The following DMD variants were observed in gnomAD, a reference collection of about 807,000 sequenced individuals.
DMD encodes dystrophin, also known as mutant dystrophin.
A neutral mutation model predicts 330.1 loss-of-function variants in DMD; 63 were observed. The ratio of observed to expected loss-of-function variants is 0.19; its 90% CI spans 0.16 to 0.24. DMD has a LOEUF of 0.24. Among genes scored for constraint, DMD ranks in the 10% least tolerant of loss-of-function variants. The probability of loss-of-function intolerance (pLI) is 1.00; values close to 1 mark genes in which losing one functional copy is unlikely to be tolerated. For missense variants in DMD, 3,344 were observed against 2,684.1 expected (o/e 1.25, Z -5.43); for synonymous variants, 1,223 against 959.8 (o/e 1.27, Z -5.07).
chrX:32,804,430 C>T (rs1407828923), intron 7 of DMD, among the ~76,000 whole-genome samples: 2 of 112,619 alleles, frequency 1.8e-5, no homozygotes, highest in Non-Finnish European at 3.8e-5. Context: ...CTAGATTCTT[C>T]CTCTCTGGGC....
chrX:32,280,500 G>C (rs1185467754), intron 43 of DMD, among the ~76,000 whole-genome samples: 1 of 111,117 alleles, frequency 9.0e-6, no homozygotes, highest in Non-Finnish European at 1.9e-5. Context: ...GTGGAATGAA[G>C]ATCCAGTCTT....
chrX:33,221,040 T>C (rs2052164564), intron 1 of DMD, among the ~76,000 whole-genome samples: 1 of 111,405 alleles, frequency 9.0e-6, no homozygotes, highest in Non-Finnish European at 1.9e-5. Flanking sequence ...TGTTTGAGAG[T>C]AGCAAACCAA....
intron 62 of DMD, among the ~76,000 whole-genome samples, chrX:31,283,270 G>A: frequency 9.0e-6 from 1 of 111,138 alleles, no homozygotes; most frequent in Non-Finnish European, 1.9e-5. Flanking sequence ...GAATGTGAAT[G>A]GTTATGTTTG....
chrX:31,373,436 G>C (rs111563441), intron 60 of DMD, among the ~76,000 whole-genome samples: 1 of 89,349 alleles, frequency 1.1e-5, no homozygotes, highest in South Asian at 6.6e-4. Context: ...AAGGCTACAG[G>C]AAGCAAAACA....
At chrX:33,212,267 T>A (rs398123826), upstream of DMD, among the ~76,000 whole-genome samples, 1 of 112,422 alleles carries the variant, frequency 8.9e-6, no homozygotes, top group African/African-American at 3.2e-5. Context: ...TGGTGCCAAT[T>A]CTTAAAACAC....
intron 13 of DMD, among the ~76,000 whole-genome samples, chrX:32,576,342 T>G (rs1482797342): frequency 9.0e-6 from 1 of 111,449 alleles, no homozygotes; most frequent in African/African-American, 3.3e-5. Flanking sequence ...TTGGGAACCT[T>G]TTCACATAAA....
At chrX:32,305,444 G>A (rs929228074) in intron 42 of DMD, among the ~76,000 whole-genome samples, 2 of 111,025 alleles carry the variant, frequency 1.8e-5, no homozygotes, top group Non-Finnish European at 1.9e-5. Context: ...GCCCCAAGTC[G>A]GCCGAGAATG....
intron 1 of DMD, among the ~76,000 whole-genome samples, chrX:33,338,209 C>T (rs769010748): frequency 3.6e-5 from 4 of 111,003 alleles, no homozygotes; most frequent in Admixed American, 1.9e-4. Flanking sequence ...CTGACAGATC[C>T]CCATGACAGC....
chrX:32,205,935 T>A (rs2097066740), intron 44 of DMD: 1 of 384,130 alleles, frequency 2.6e-6, no homozygotes, highest in Admixed American at 3.0e-5. Flanking sequence ...GCCCCAAAAC[T>A]ATCTTTTTGG....
intron 60 of DMD, among the ~76,000 whole-genome samples, chrX:31,370,243 CCT>C (rs1361456945): frequency 4.5e-5 from 5 of 111,276 alleles, no homozygotes; most frequent in African/African-American, 1.6e-4. Flanking sequence ...TTTTTCATCC[CCT>C]GTTAAGAAGA....
intron 61 of DMD, among the ~76,000 whole-genome samples, chrX:31,340,546 T>C (rs188905548): frequency 1.5e-4 from 17 of 112,619 alleles, no homozygotes; most frequent in Admixed American, 1.5e-3. Context: ...TTATTTTATT[T>C]TGTAATATAG....
chrX:31,696,795 G>A (rs181613670), intron 52 of DMD, among the ~76,000 whole-genome samples: 2 of 112,003 alleles, frequency 1.8e-5, no homozygotes, highest in East Asian at 5.6e-4. Flanking sequence ...GATTTTGACT[G>A]TACATTGATG....
At chrX:31,561,006 A>C (rs760091556) in intron 55 of DMD, among the ~76,000 whole-genome samples, 4 of 111,488 alleles carry the variant, frequency 3.6e-5, no homozygotes, top group Non-Finnish European at 5.6e-5. Context: ...CCTAACCCTC[A>C]CATTGTTTGA....
intron 1 of DMD, among the ~76,000 whole-genome samples, chrX:33,162,397 T>C (rs2038244559): frequency 1.8e-5 from 2 of 112,043 alleles, no homozygotes; most frequent in South Asian, 7.3e-4. Context: ...TTTTAATAAG[T>C]GTACACTTCT....
At chrX:32,022,269 C>T (rs754212313) in intron 44 of DMD, among the ~76,000 whole-genome samples, 19 of 111,760 alleles carry the variant, frequency 1.7e-4, no homozygotes, top group Non-Finnish European at 3.2e-4. Flanking sequence ...ATATAGCCTA[C>T]GTGGACAAGT....
chrX:31,262,423 A>T (rs759685979), intron 62 of DMD, among the ~76,000 whole-genome samples: 1 of 112,289 alleles, frequency 8.9e-6, no homozygotes, highest in Admixed American at 9.4e-5. Flanking sequence ...TAAGAAATGG[A>T]ACACAATCAT....
At chrX:32,662,310 A>C (rs904342629) in intron 9 of DMD, among the ~76,000 whole-genome samples, 1 of 111,743 alleles carries the variant, frequency 8.9e-6, no homozygotes, top group Non-Finnish European at 1.9e-5. Context: ...CCTTAACATA[A>C]AGGTAAATTA....
At chrX:32,607,200 G>T (rs1182750150) in intron 12 of DMD, among the ~76,000 whole-genome samples, 1 of 110,116 alleles carries the variant, frequency 9.1e-6, no homozygotes, top group African/African-American at 3.3e-5. Flanking sequence ...ATTAACTTCA[G>T]CTTGTACAGT....
intron 9 of DMD, among the ~76,000 whole-genome samples, chrX:32,659,939 T>C (rs1046823495): frequency 9.0e-6 from 1 of 110,883 alleles, no homozygotes; most frequent in African/African-American, 3.3e-5. Flanking sequence ...AAGACTCTGG[T>C]AGATTTCATT....
Sources: gnomAD v4.1 joint callset for allele counts (sites outside exome capture counted in the v4.1 genomes callset) on GRCh38, gnomAD v4.1.1 for gene constraint, MANE v1.5 for transcripts, NCBI Gene and HGNC (gene_info 2026-07-23, HGNC 2026-07-21) for gene names.